TDRD3: variants seen among roughly 807,000 people sequenced by gnomAD.
The protein encoded by TDRD3 is tudor domain-containing protein 3.
TDRD3 carries 45 observed loss-of-function variants against 86.7 expected under a neutral mutation model. The ratio of observed to expected loss-of-function variants is 0.52; its 90% CI spans 0.41 to 0.67. The LOEUF (loss-of-function observed/expected upper bound fraction) is 0.67. TDRD3 is among the 30% of genes least tolerant of loss of function. The probability of loss-of-function intolerance (pLI) is 0.00; values close to 1 mark genes in which losing one functional copy is unlikely to be tolerated. For synonymous variants in TDRD3, 298 were observed against 301.7 expected, an observed-to-expected ratio of 0.99 and a Z score of 0.13; for missense variants, 814 against 889.0, an observed-to-expected ratio of 0.92 and a Z score of 1.07.
At chr13:60,456,974 G>C (rs1955689968) in intron 3 of TDRD3, among the ~76,000 whole-genome samples, 1 of 152,160 alleles carries the variant, frequency 6.6e-6, no homozygotes, top group African/African-American at 2.4e-5. Context: ...GAGATTACAG[G>C]TGTGAGTCAC....
At chr13:60,501,643 T>C (rs1052458289) in intron 8 of TDRD3, among the ~76,000 whole-genome samples, 4 of 152,224 alleles carry the variant, frequency 2.6e-5, no homozygotes, top group Admixed American at 2.0e-4. Context: ...TTAGGACAAG[T>C]GTTTACCATC....
intron 8 of TDRD3, among the ~76,000 whole-genome samples, chr13:60,497,582 T>C (rs1649330421): frequency 6.6e-6 from 1 of 152,182 alleles, no homozygotes; most frequent in African/African-American, 2.4e-5. Flanking sequence ...GCTGAAATTG[T>C]GGAAAAACAG....
intron 3 of TDRD3, among the ~76,000 whole-genome samples, chr13:60,452,375 T>G (rs1955569973): frequency 6.6e-6 from 1 of 152,180 alleles, no homozygotes; most frequent in South Asian, 2.1e-4. Context: ...TTCTGTCACC[T>G]GCCAGTTATT....
chr13:60,447,801 G>A (rs1955439539), intron 3 of TDRD3, among the ~76,000 whole-genome samples: 1 of 152,136 alleles, frequency 6.6e-6, no homozygotes, highest in African/African-American at 2.4e-5. Flanking sequence ...GTGAGGATTG[G>A]AGAGCATTTG....
At chr13:60,546,216 G>C (rs1051658841) in intron 12 of TDRD3, among the ~76,000 whole-genome samples, 3 of 152,028 alleles carry the variant, frequency 2.0e-5, no homozygotes, top group Non-Finnish European at 4.4e-5. Context: ...TTTAGAGACT[G>C]ACTTGTATTG....
chr13:60,504,947 A>G (rs1206111858), intron 8 of TDRD3, among the ~76,000 whole-genome samples: 1 of 152,220 alleles, frequency 6.6e-6, no homozygotes, highest in Admixed American at 6.5e-5. Context: ...CAACCTGCAC[A>G]CCAGGAGATT....
intron 11 of TDRD3, among the ~76,000 whole-genome samples, chr13:60,533,208 T>G (rs1957623476): frequency 6.6e-6 from 1 of 152,238 alleles, no homozygotes; most frequent in South Asian, 2.1e-4. Flanking sequence ...ACACCGTGGA[T>G]TCACTTAATA....
At chr13:60,467,916 T>A (rs1411488567) in intron 5 of TDRD3, among the ~76,000 whole-genome samples, 1 of 152,214 alleles carries the variant, frequency 6.6e-6, no homozygotes. Flanking sequence ...CAACCATTTC[T>A]GTTGATCCAT....
chr13:60,506,718 C>T (rs533924812), intron 8 of TDRD3, among the ~76,000 whole-genome samples: 29 of 152,114 alleles, frequency 1.9e-4, no homozygotes, highest in Middle Eastern at 3.4e-3. Flanking sequence ...GATTGCACTA[C>T]GGCACTCCAG....
intron 3 of TDRD3, among the ~76,000 whole-genome samples, chr13:60,445,163 T>G (rs1053112633): frequency 6.6e-6 from 1 of 152,202 alleles, no homozygotes; most frequent in Non-Finnish European, 1.5e-5. Context: ...TAGGAGCAAG[T>G]TGGTGAAGCT....
intron 8 of TDRD3, among the ~76,000 whole-genome samples, chr13:60,507,434 A>G (rs1232746278): frequency 6.6e-6 from 1 of 152,168 alleles, no homozygotes; most frequent in Admixed American, 6.5e-5. Context: ...TTGACCACAT[A>G]ATTGGAAGTA....
chr13:60,424,403 C>G (rs1467018255), intron 1 of TDRD3, among the ~76,000 whole-genome samples: 1 of 151,946 alleles, frequency 6.6e-6, no homozygotes, highest in Non-Finnish European at 1.5e-5. Context: ...TCTGGCTGGG[C>G]GCAGTGGCTC....
intron 5 of TDRD3, among the ~76,000 whole-genome samples, chr13:60,480,394 C>G (rs1024978621): frequency 6.6e-6 from 1 of 151,956 alleles, no homozygotes; most frequent in East Asian, 1.9e-4. Flanking sequence ...TTTGTAAGGC[C>G]CCTTTTCTCT....
chr13:60,546,099 C>T (rs190526108), intron 12 of TDRD3, among the ~76,000 whole-genome samples: 2 of 152,160 alleles, frequency 1.3e-5, no homozygotes, highest in East Asian at 3.9e-4. Flanking sequence ...AAGCTTTGGG[C>T]ACAAATACAT....
chr13:60,510,327 T>G (rs1372868287), intron 9 of TDRD3, among the ~76,000 whole-genome samples: 1 of 152,162 alleles, frequency 6.6e-6, no homozygotes, highest in African/African-American at 2.4e-5. Flanking sequence ...TCTTATGTGG[T>G]CCCAGTCCTA....
Position 60,528,746 on chromosome 13 carries a change from A to G in TDRD3, c.1521A>G (p.Ser507=). Residue 507 remains serine, a synonymous_variant, in exon 11 of 14, where the codon TCA becomes TCG. Coordinates refer to ENST00000377881, the MANE Select transcript of TDRD3 (RefSeq NM_001146070.2). ...GAGATAACTCTATGCAAAGCAGATC[A>G]GGAAAAGGTCCCTCCTTTGCAGAGG... ...KKRDNSMQSR[S]GKGPSFAEAK... 6.2e-7 allele frequency: 1 copy of G among 1,613,088 alleles called. No homozygotes were observed. The highest frequency in any genetic ancestry group is 8.5e-7 in the Non-Finnish European group (1 of 1,179,738).
intron 1 of TDRD3, among the ~76,000 whole-genome samples, chr13:60,425,248 G>A (rs951410234): frequency 3.3e-5 from 5 of 152,130 alleles, no homozygotes; most frequent in South Asian, 2.1e-4. Flanking sequence ...TGTCTAAGAG[G>A]TGTATGAAAA....
At chr13:60,462,715 C>T (rs1450572943) in intron 4 of TDRD3, among the ~76,000 whole-genome samples, 1 of 151,960 alleles carries the variant, frequency 6.6e-6, no homozygotes, top group Non-Finnish European at 1.5e-5. Flanking sequence ...ATTAAAGGAA[C>T]CTTTGGGTGC....
chr13:60,411,155 T>C (rs1409172852), intron 1 of TDRD3, among the ~76,000 whole-genome samples: 1 of 152,212 alleles, frequency 6.6e-6, no homozygotes, highest in Non-Finnish European at 1.5e-5. Flanking sequence ...TTCTACTAGT[T>C]ATAAAGACTT....
Sources: gnomAD v4.1 joint callset for allele counts (sites outside exome capture counted in the v4.1 genomes callset) on GRCh38, gnomAD v4.1.1 for gene constraint, MANE v1.5 for transcripts, NCBI Gene and HGNC (gene_info 2026-07-23, HGNC 2026-07-21) for gene names.